The following TENM1 variants were observed in gnomAD, a reference collection of about 807,000 sequenced individuals.
The protein encoded by TENM1 is teneurin transmembrane protein 1.
Under a neutral mutation model 174.8 loss-of-function variants are expected in TENM1, and 35 were observed. The ratio of observed to expected loss-of-function variants is 0.20; its 90% confidence interval spans 0.15 to 0.27. TENM1 has a LOEUF of 0.27. TENM1 is among the 10% of genes least tolerant of loss of function. The probability of loss-of-function intolerance (pLI) is 1.00; values close to 1 mark genes in which losing one functional copy is unlikely to be tolerated. For missense variants in TENM1, 1,633 were observed against 2,130.1 expected, an observed-to-expected ratio of 0.77 and a Z score of 4.59; for synonymous variants, 781 against 798.7, an observed-to-expected ratio of 0.98 and a Z score of 0.37.
chrX:124,487,305 C>G, intron 20 of TENM1, 76 bp from the exon 24 acceptor site: 1 of 920,176 alleles, frequency 1.1e-6, no homozygotes, highest in Admixed American at 2.7e-5. Context: ...ACATGCCAAA[C>G]CTAACCAGAC....
the TENM1 span, among the ~76,000 whole-genome samples, chrX:125,037,542 T>C: frequency 9.0e-6 from 1 of 110,842 alleles, no homozygotes; most frequent in Non-Finnish European, 1.9e-5. Flanking sequence ...TGGGCCCTTG[T>C]TTTGTTTTAT....
chrX:124,908,296 A>G, intron 1 of TENM1, among the ~76,000 whole-genome samples: 1 of 110,954 alleles, frequency 9.0e-6, no homozygotes, highest in East Asian at 2.8e-4. Flanking sequence ...TGCATTAGGT[A>G]TTTGCCCTAA....
chrX:124,586,323 A>C (rs1292134139), intron 11 of TENM1, among the ~76,000 whole-genome samples: 4 of 108,681 alleles, frequency 3.7e-5, no homozygotes, highest in Admixed American at 2.9e-4. Context: ...GCAGCACATC[A>C]AAAAGCTTAT....
chrX:125,062,393 C>G, the TENM1 span, among the ~76,000 whole-genome samples: 2 of 111,405 alleles, frequency 1.8e-5, no homozygotes, highest in Non-Finnish European at 3.8e-5. Flanking sequence ...AGATAAAAAT[C>G]AGTGCATATA....
At chrX:125,142,980 C>G in the TENM1 span, among the ~76,000 whole-genome samples, 74 of 111,774 alleles carry the variant, frequency 6.6e-4, no homozygotes, top group Admixed American at 6.7e-3. Context: ...AGAATATGAA[C>G]AATAAACACA....
chrX:125,051,202 C>T, the TENM1 span, among the ~76,000 whole-genome samples: 3 of 111,384 alleles, frequency 2.7e-5, no homozygotes, highest in Admixed American at 1.9e-4. Context: ...AAAGAGGATA[C>T]AAACAAATGG....
the TENM1 span, among the ~76,000 whole-genome samples, chrX:125,039,205 C>T: frequency 8.9e-6 from 1 of 111,781 alleles, no homozygotes; most frequent in Non-Finnish European, 1.9e-5. Flanking sequence ...TAGCCAAGCT[C>T]TTATCAGTTT....
At chrX:124,856,198 T>A (rs958123668) in intron 3 of TENM1, among the ~76,000 whole-genome samples, 1 of 110,814 alleles carries the variant, frequency 9.0e-6, no homozygotes, top group African/African-American at 3.3e-5. Context: ...GAGAAATGAG[T>A]CTGAACTGTC....
chrX:124,913,148 C>G (rs6423140), intron 1 of TENM1, among the ~76,000 whole-genome samples: 11,179 of 110,698 alleles, frequency 0.1, 1,336 homozygotes, highest in African/African-American at 0.35. Context: ...ATAAATAGAA[C>G]TAGCAATTTA....
chrX:124,585,100 C>T (rs751831252), intron 11 of TENM1, among the ~76,000 whole-genome samples: 108 of 110,383 alleles, frequency 9.8e-4, no homozygotes, highest in African/African-American at 3.3e-3. Context: ...GACTTTAACA[C>T]CCCACTGTCA....
At chrX:124,947,898 C>T (rs1410427450) in intron 1 of TENM1, among the ~76,000 whole-genome samples, 1 of 112,078 alleles carries the variant, frequency 8.9e-6, no homozygotes, top group Non-Finnish European at 1.9e-5. Context: ...AGATTAGAAA[C>T]TCTTTCATTC....
In TENM1 at chrX:124,525,964, G is replaced by C. The variant is rs777991952; in HGVS notation, c.2772-2339C>G. Among the ~76,000 whole-genome samples, 235 of 111,819 alleles carry C rather than the reference G, an allele frequency of 2.1e-3. 1 individual carries two copies. Among genetic ancestry groups the C allele is most frequent in the Middle Eastern group, 9.3e-3 (2 of 215 alleles). ...GTTTTCTTTTTTTTGTAGTTCAAGT[G>C]AACTATAGGTCAGCTTTTGATTATC... On this transcript the variant is annotated intron_variant, in intron 16 of 31. Transcript: ENST00000422452.
chrX:124,693,749 A>G (rs1330075135), intron 5 of TENM1, among the ~76,000 whole-genome samples: 1 of 110,381 alleles, frequency 9.1e-6, no homozygotes, highest in Non-Finnish European at 1.9e-5. Flanking sequence ...GGGGTTGGCT[A>G]TTAGAAGTTT....
intron 7 of TENM1, among the ~76,000 whole-genome samples, chrX:124,653,068 G>C (rs754002470): frequency 4.0e-4 from 45 of 111,516 alleles, no homozygotes; most frequent in Middle Eastern, 4.6e-3. Context: ...AAGAAAATAA[G>C]AGAAATGAGA....
chrX:125,201,922 T>C, the TENM1 span, among the ~76,000 whole-genome samples: 2 of 111,744 alleles, frequency 1.8e-5, no homozygotes, highest in African/African-American at 6.5e-5. Context: ...GGTCTTACTA[T>C]GCCTTATGAA....
chrX:124,738,857 C>T (rs1018869285), intron 3 of TENM1, among the ~76,000 whole-genome samples: 4 of 112,123 alleles, frequency 3.6e-5, no homozygotes, highest in African/African-American at 1.3e-4. Context: ...TCCAGGGACA[C>T]TTGGCAAGTT....
At chrX:124,483,127 C>T (rs970229403) in intron 21 of TENM1, among the ~76,000 whole-genome samples, 1 of 111,670 alleles carries the variant, frequency 9.0e-6, no homozygotes, top group African/African-American at 3.3e-5. Context: ...TGGCTCCCAT[C>T]TTTAAAAACT....
chrX:124,969,965 G>A, the TENM1 span, among the ~76,000 whole-genome samples: 7 of 111,789 alleles, frequency 6.3e-5, no homozygotes, highest in African/African-American at 2.0e-4. Flanking sequence ...TAAAGACCAT[G>A]TTTACATTAG....
chrX:125,111,262 T>C, the TENM1 span, among the ~76,000 whole-genome samples: 1 of 111,041 alleles, frequency 9.0e-6, no homozygotes, highest in African/African-American at 3.3e-5. Context: ...AGTACTACAG[T>C]AGCAAGGGTA....
Sources: gnomAD v4.1 joint callset for allele counts (sites outside exome capture counted in the v4.1 genomes callset) on GRCh38, gnomAD v4.1.1 for gene constraint, MANE v1.5 for transcripts, NCBI Gene and HGNC (gene_info 2026-07-23, HGNC 2026-07-21) for gene names.